The following SUPT16H variants were observed in gnomAD, a reference collection of about 807,000 sequenced individuals.
SUPT16H encodes the protein SPT16 homolog, facilitates chromatin remodeling subunit.
Under a neutral mutation model 136.2 loss-of-function variants are expected in SUPT16H, and 24 were observed. The ratio of observed to expected loss-of-function variants is 0.18; its 90% CI spans 0.13 to 0.25. The LOEUF is 0.25. Ranked by LOEUF, SUPT16H falls within the 10% of genes least tolerant of loss-of-function variation. The pLI is 1.00. For synonymous variants in SUPT16H, 415 were observed against 428.2 expected (o/e 0.97, Z 0.38); for missense variants, 623 against 1,270.2 (o/e 0.49, Z 7.74).
intron 5 of SUPT16H, 177 bp downstream of exon 5, chr14:21,369,573 C>T (rs1254094650): frequency 2.8e-5 from 28 of 996,820 alleles, no homozygotes; most frequent in Non-Finnish European, 4.1e-5. Flanking sequence ...AATGGGTTAC[C>T]TCAAGAAAAC....
chr14:21,361,405 C>T, intron 15 of SUPT16H, 192 bp from the exon 16 acceptor site: 2 of 657,426 alleles, frequency 3.0e-6, no homozygotes, highest in East Asian at 3.1e-5. Flanking sequence ...CAACCTTCGC[C>T]TCCTGGGTTC....
chr14:21,368,899 CAG>C (rs977265407), intron 6 of SUPT16H, among the ~76,000 whole-genome samples: 4 of 152,182 alleles, frequency 2.6e-5, no homozygotes, highest in Non-Finnish European at 4.4e-5. Flanking sequence ...AAATAGATAA[CAG>C]AGACTGGTAA....
intron 19 of SUPT16H, among the ~76,000 whole-genome samples, chr14:21,358,797 G>T (rs561349874): frequency 1.3e-5 from 2 of 151,590 alleles, no homozygotes; most frequent in Non-Finnish European, 2.9e-5. Context: ...CAGATTCAGG[G>T]TTGTTTATTT....
intron 6 of SUPT16H, 48 bp downstream of exon 6, chr14:21,369,156 A>G: frequency 6.4e-7 from 1 of 1,572,424 alleles, no homozygotes; most frequent in Non-Finnish European, 8.6e-7. Context: ...AAAAAGAAAA[A>G]ATAGGCTAAA....
At chr14:21,358,484 T>A in intron 19 of SUPT16H, 57 bp from the exon 20 acceptor site, 1 of 1,259,144 alleles carries the variant, frequency 7.9e-7, no homozygotes, top group Non-Finnish European at 1.1e-6. Context: ...GTACCTCCCC[T>A]CAAAAAGTCT....
Position 21,364,841 on chromosome 14 carries a change from C to T in SUPT16H, c.1219G>A (p.Val407Met), listed in dbSNP as rs369263621. 1 of 1,612,434 alleles carries T rather than the reference C, an allele frequency of 6.2e-7. No individual in the cohort carries two copies. Among genetic ancestry groups the T allele is most frequent in the Non-Finnish European group, 8.5e-7 (1 of 1,179,938 alleles). Residue 407 changes from valine to methionine, a missense_variant, in exon 10 of 26, where the codon GTG becomes ATG. Val to Met is a conservative substitution (Grantham distance 21). Coordinates refer to ENST00000216297, the MANE Select transcript of SUPT16H (RefSeq NM_007192.4). ...ACAATACACACCTCATCCACAAGCA[C>T]TGTGTCACCAATGAACAGGGCATAG... ...KTYALFIGDT[V>M]LVDEDGPATV...
At chr14:21,374,076 GC>G (rs1490584441) in intron 1 of SUPT16H, among the ~76,000 whole-genome samples, 1 of 152,200 alleles carries the variant, frequency 6.6e-6, no homozygotes, top group Non-Finnish European at 1.5e-5. Flanking sequence ...TCAAAGATAA[GC>G]CACCTTCATC....
intron 20 of SUPT16H, 145 bp from the exon 21 acceptor site, chr14:21,358,147 G>A (rs748003906): frequency 1.1e-5 from 9 of 825,774 alleles, no homozygotes; most frequent in Non-Finnish European, 1.7e-5. Flanking sequence ...TTAAGAGTTA[G>A]CCACTCACCT....
intron 7 of SUPT16H, 113 bp from the exon 8 acceptor site, chr14:21,366,642 A>G (rs143194588): frequency 1.4e-5 from 13 of 961,748 alleles, no homozygotes; most frequent in African/African-American, 7.5e-5. Flanking sequence ...AGTGTGAACT[A>G]AACAGTCCAC....
intron 22 of SUPT16H, among the ~76,000 whole-genome samples, chr14:21,355,299 C>T (rs1364608075): frequency 6.6e-6 from 1 of 152,038 alleles, no homozygotes; most frequent in African/African-American, 2.4e-5. Context: ...TCGAGACCAT[C>T]TTGGCTAACA....
chr14:21,358,954 G>A (rs897657589), intron 19 of SUPT16H, among the ~76,000 whole-genome samples: 2 of 150,974 alleles, frequency 1.3e-5, no homozygotes, highest in South Asian at 2.1e-4. Context: ...ACAGGAGCCC[G>A]CCACTACACC....
rs753609876 is a variant in SUPT16H, at chr14:21,352,118, C to CA, written c.*554dup. 6.4e-6 allele frequency: 1 copy of CA among 156,220 alleles called. No individual in the cohort carries two copies. The highest frequency in any genetic ancestry group is 2.4e-5 in the African/African-American group (1 of 41,462). The allele number at this position is 156,220 out of a possible 1,614,324, so 9.7% of individuals were successfully genotyped here. A position where few individuals can be genotyped will look rare whatever the true frequency, so the allele number is the denominator to read the frequency against. On this transcript the variant is annotated 3_prime_UTR_variant, in exon 26 of 26. Coordinates refer to ENST00000216297, the MANE Select transcript of SUPT16H (RefSeq NM_007192.4). ...CACGAGGCAGGAAAGCAGGAAAACT[C>CA]AGACGAAGGCACCAGCCCAATCTGC...
chr14:21,381,723 C>T (rs116455627), intron 1 of SUPT16H, among the ~76,000 whole-genome samples: 3,735 of 151,722 alleles, frequency 0.025, 50 homozygotes, highest in African/African-American at 0.032. Flanking sequence ...GATCCTTCTG[C>T]CTCAGCATCA....
intron 14 of SUPT16H, 117 bp downstream of exon 14, chr14:21,362,677 A>G (rs1049938209): frequency 8.3e-7 from 1 of 1,199,762 alleles, no homozygotes; most frequent in Non-Finnish European, 1.2e-6. Context: ...CAGTAACTGA[A>G]CAGAGTCTGA....
intron 2 of SUPT16H, chr14:21,372,736 A>G (rs1886814460): frequency 4.7e-6 from 2 of 429,234 alleles, no homozygotes; most frequent in Non-Finnish European, 9.1e-6. Flanking sequence ...AAGGAAAAGA[A>G]TATTTTGTTT....
At chr14:21,365,882 T>C (rs1398123805) in intron 8 of SUPT16H, among the ~76,000 whole-genome samples, 5 of 152,094 alleles carry the variant, frequency 3.3e-5, no homozygotes, top group African/African-American at 1.2e-4. Flanking sequence ...GTGGGAGGAC[T>C]GCTTGAGCCC....
In SUPT16H at chr14:21,352,778, A is replaced by G; in HGVS notation, c.3039T>C (p.Ser1013=). The change falls in exon 26 of 26, where the codon AGT becomes AGC. Residue 1013 remains serine (S), a synonymous_variant. Transcript: ENST00000216297. ...ESRYEEEEEQ[S]RSMSRKRKAS... ...CCTTCCTCTTCCGGCTCATACTTCG[A>G]CTTTGTTCTTCTTCTTCCTCGTAAC... The G allele has an allele frequency of 6.2e-7, 1 of 1,613,688 alleles. No homozygotes were observed. The highest frequency in any genetic ancestry group is 1.7e-5 in the Admixed American group (1 of 59,944).
At chr14:21,362,089 G>C in intron 15 of SUPT16H, 108 bp downstream of exon 15, 1 of 1,351,262 alleles carries the variant, frequency 7.4e-7, no homozygotes. Flanking sequence ...AATGAGGAAG[G>C]CTTTGACATT....
chr14:21,355,518 A>ATT (rs1886412887), intron 22 of SUPT16H, among the ~76,000 whole-genome samples: 1 of 41,294 alleles, frequency 2.4e-5, no homozygotes, highest in African/African-American at 7.8e-5. Context: ...AATAATAAAA[A>ATT]AAAAAAAAAA....
Sources: gnomAD v4.1 joint callset for allele counts (sites outside exome capture counted in the v4.1 genomes callset) on GRCh38, gnomAD v4.1.1 for gene constraint, MANE v1.5 for transcripts, NCBI Gene and HGNC (gene_info 2026-07-23, HGNC 2026-07-21) for gene names.